Variants in TMCO5A observed in about 807,000 individuals in gnomAD.
TMCO5A encodes the protein transmembrane and coiled-coil domain-containing protein 5A.
In TMCO5A, 34 loss-of-function variants were observed where a neutral mutation model predicts 42.3. The ratio of observed to expected loss-of-function variants is 0.80; its 90% CI spans 0.61 to 1.07. The LOEUF (loss-of-function observed/expected upper bound fraction) is 1.07, where lower values mean the gene tolerates loss of function less well. Ranked by LOEUF, TMCO5A falls within the 50% of genes least tolerant of loss-of-function variation. TMCO5A has a pLI of 0.00. For synonymous variants in TMCO5A, 131 were observed against 115.6 expected (o/e 1.13, Z -0.86); for missense variants, 357 against 327.9 (o/e 1.09, Z -0.69).
At position 37,936,448 on chromosome 15, in the gene TMCO5A, A is replaced by T; in HGVS notation, c.125A>T (p.Glu42Val). The change falls in exon 3 of 12, where the codon GAA becomes GTA. Residue 42 changes from glutamate to valine, a missense_variant. By Grantham distance (121) the Glu-to-Val change is moderately radical. Coordinates refer to ENST00000319669, the MANE Select transcript of TMCO5A (RefSeq NM_152453.4). ...CTTCTTCTCAAAATCCAAGAGAGGG[A>T]AGATAAGATTCAGAGGTGAGTATTA... ...QKLLLKIQER[E>V]DKIQRLESEI... 6.2e-7 allele frequency: 1 copy of T among 1,612,768 alleles called. No individual in the cohort carries two copies. Among genetic ancestry groups the T allele is most frequent in the East Asian group, 2.2e-5 (1 of 44,824 alleles).
intron 10 of TMCO5A, among the ~76,000 whole-genome samples, chr15:37,946,298 A>G (rs2140278604): frequency 6.6e-6 from 1 of 152,284 alleles, no homozygotes; most frequent in East Asian, 1.9e-4. Context: ...AGGTAGCGTG[A>G]TGACTCTAGC....
At chr15:38,018,887 T>C in the TMCO5A span, among the ~76,000 whole-genome samples, 1 of 152,130 alleles carries the variant, frequency 6.6e-6, no homozygotes, top group Admixed American at 6.5e-5. Context: ...GCATGGAACT[T>C]CTTACATACA....
At chr15:37,940,362 T>A (rs1249514468) in intron 6 of TMCO5A, among the ~76,000 whole-genome samples, 1 of 152,136 alleles carries the variant, frequency 6.6e-6, no homozygotes, top group East Asian at 1.9e-4. Flanking sequence ...ATAAGCCAAA[T>A]CTGTGATAAC....
chr15:37,945,730 T>C (rs1473365990), intron 10 of TMCO5A, among the ~76,000 whole-genome samples: 1 of 152,194 alleles, frequency 6.6e-6, no homozygotes, highest in African/African-American at 2.4e-5. Context: ...TGTTTTTTTC[T>C]TGTAAATTTG....
chr15:38,032,157 G>C, the TMCO5A span, among the ~76,000 whole-genome samples: 1 of 152,096 alleles, frequency 6.6e-6, no homozygotes, highest in Non-Finnish European at 1.5e-5. Flanking sequence ...TTTTCTCCAT[G>C]TTGGTTAGGC....
chr15:37,937,423 G>A, intron 5 of TMCO5A, 27 bp downstream of exon 5: 1 of 1,612,244 alleles, frequency 6.2e-7, no homozygotes, highest in Non-Finnish European at 8.5e-7. Flanking sequence ...GTGTTCTCCA[G>A]TGCCCCCACA....
chr15:37,941,233 C>A (rs1375450994), intron 7 of TMCO5A, 28 bp downstream of exon 7: 5 of 1,606,800 alleles, frequency 3.1e-6, no homozygotes. Context: ...AATGTGACTT[C>A]TCCCCAAAAA....
At chr15:38,026,523 A>G in the TMCO5A span, among the ~76,000 whole-genome samples, 1 of 152,230 alleles carries the variant, frequency 6.6e-6, no homozygotes, top group East Asian at 1.9e-4. Context: ...GCAGAGCATG[A>G]AAGTTTGGAA....
At chr15:38,014,130 T>C in the TMCO5A span, among the ~76,000 whole-genome samples, 1 of 152,220 alleles carries the variant, frequency 6.6e-6, no homozygotes, top group African/African-American at 2.4e-5. Context: ...CTCAAGATAG[T>C]TAATTTAATC....
the TMCO5A span, among the ~76,000 whole-genome samples, chr15:38,024,441 G>A: frequency 6.6e-6 from 1 of 152,194 alleles, no homozygotes; most frequent in South Asian, 2.1e-4. Context: ...ATGAAAAGCA[G>A]AGAAAATGTT....
the TMCO5A span, among the ~76,000 whole-genome samples, chr15:38,009,610 T>C: frequency 6.6e-6 from 1 of 152,034 alleles, no homozygotes; most frequent in Non-Finnish European, 1.5e-5. Flanking sequence ...TCCAGGAAAA[T>C]AGATATGCCC....
chr15:38,030,020 C>T, the TMCO5A span, among the ~76,000 whole-genome samples: 10 of 152,212 alleles, frequency 6.6e-5, no homozygotes, highest in African/African-American at 2.2e-4. Context: ...TGGCTTATCA[C>T]GGGTAGAAAA....
the TMCO5A span, among the ~76,000 whole-genome samples, chr15:37,992,299 G>T: frequency 2.0e-5 from 3 of 151,920 alleles, no homozygotes; most frequent in African/African-American, 7.3e-5. Flanking sequence ...CCACAGTAAG[G>T]TACCATCTCA....
At chr15:37,968,164 C>T (rs1890600973), downstream of TMCO5A, among the ~76,000 whole-genome samples, 2 of 152,156 alleles carry the variant, frequency 1.3e-5, no homozygotes, top group Admixed American at 6.6e-5. Flanking sequence ...TCAAGGTGCA[C>T]TTCTTCTTCC....
the TMCO5A span, among the ~76,000 whole-genome samples, chr15:38,003,497 C>T: frequency 2.6e-5 from 4 of 152,128 alleles, no homozygotes; most frequent in Non-Finnish European, 5.9e-5. Context: ...ATCCTTGGCC[C>T]ATGGTGGGTG....
the TMCO5A span, among the ~76,000 whole-genome samples, chr15:37,977,574 T>C: frequency 6.6e-6 from 1 of 152,232 alleles, no homozygotes; most frequent in African/African-American, 2.4e-5. Flanking sequence ...ACGTGGCTCC[T>C]CTGTATTTCC....
the TMCO5A span, among the ~76,000 whole-genome samples, chr15:38,005,388 T>A: frequency 1.0e-4 from 11 of 109,460 alleles, no homozygotes; most frequent in South Asian, 3.6e-3. Flanking sequence ...CAAGACCCCA[T>A]CTCTACCAAA....
chr15:38,005,333 T>C, the TMCO5A span, among the ~76,000 whole-genome samples: 1 of 139,780 alleles, frequency 7.2e-6, no homozygotes, highest in Non-Finnish European at 1.5e-5. Flanking sequence ...CCCAGTTCTT[T>C]GGGAAGCTGA....
the TMCO5A span, among the ~76,000 whole-genome samples, chr15:38,013,046 T>C: frequency 6.6e-6 from 1 of 152,080 alleles, no homozygotes; most frequent in South Asian, 2.1e-4. Context: ...AGTTGGTCCA[T>C]AGTCTGCAGG....
Sources: gnomAD v4.1 joint callset for allele counts (sites outside exome capture counted in the v4.1 genomes callset) on GRCh38, gnomAD v4.1.1 for gene constraint, MANE v1.5 for transcripts, NCBI Gene and HGNC (gene_info 2026-07-23, HGNC 2026-07-21) for gene names.